The following SPHKAP variants were observed in gnomAD, a reference collection of about 807,000 sequenced individuals.
The protein encoded by SPHKAP is A-kinase anchor protein SPHKAP.
SPHKAP carries 67 observed loss-of-function variants against 137.5 expected under a neutral mutation model. The observed-to-expected ratio is 0.49, with a 90% CI of 0.40 to 0.60. SPHKAP has a LOEUF of 0.60. Ranked by LOEUF, SPHKAP falls within the 20% of genes least tolerant of loss-of-function variation. The probability of loss-of-function intolerance (pLI) is 0.00; values close to 1 mark genes in which losing one functional copy is unlikely to be tolerated. For missense variants in SPHKAP, 2,097 were observed against 2,069.3 expected (o/e 1.01, Z -0.26); for synonymous variants, 813 against 785.3 (o/e 1.04, Z -0.59).
chr2:228,058,796 G>C (rs985400820), intron 3 of SPHKAP, among the ~76,000 whole-genome samples: 1 of 152,152 alleles, frequency 6.6e-6, no homozygotes, highest in Non-Finnish European at 1.5e-5. Flanking sequence ...TCAATGTTTT[G>C]TTCCATTTTG....
At chr2:228,144,011 T>C (rs1699688694) in intron 1 of SPHKAP, among the ~76,000 whole-genome samples, 1 of 152,294 alleles carries the variant, frequency 6.6e-6, no homozygotes, top group African/African-American at 2.4e-5. Context: ...CCAGGCACAG[T>C]TGCTGTCTTA....
chr2:228,057,523 C>T (rs536707175), intron 3 of SPHKAP, among the ~76,000 whole-genome samples: 23 of 151,834 alleles, frequency 1.5e-4, no homozygotes, highest in African/African-American at 3.1e-4. Flanking sequence ...GGACACTGAA[C>T]GCAAAAAAGA....
chr2:228,122,307 A>G (rs1299925604), intron 2 of SPHKAP, among the ~76,000 whole-genome samples: 1 of 152,042 alleles, frequency 6.6e-6, no homozygotes, highest in Non-Finnish European at 1.5e-5. Flanking sequence ...TTAAAAAGAA[A>G]AAAGTAACAG....
intron 1 of SPHKAP, among the ~76,000 whole-genome samples, chr2:228,148,131 G>T (rs1040536461): frequency 1.3e-5 from 2 of 152,128 alleles, no homozygotes; most frequent in Non-Finnish European, 2.9e-5. Flanking sequence ...AGATACTGGA[G>T]CCCAGAGAAG....
intron 3 of SPHKAP, among the ~76,000 whole-genome samples, chr2:228,034,221 A>G (rs1695479324): frequency 6.6e-6 from 1 of 152,238 alleles, no homozygotes. Context: ...CCACAGAAAT[A>G]CAAACTACCA....
chr2:228,179,395 A>T (rs987899829), intron 1 of SPHKAP, among the ~76,000 whole-genome samples: 4 of 152,232 alleles, frequency 2.6e-5, no homozygotes, highest in Non-Finnish European at 4.4e-5. Flanking sequence ...CTACACCATT[A>T]AAAATTTTAA....
At chr2:228,113,643 C>CAA (rs1698597686) in intron 2 of SPHKAP, among the ~76,000 whole-genome samples, 1 of 142,844 alleles carries the variant, frequency 7.0e-6, no homozygotes, top group African/African-American at 2.6e-5. Context: ...CTCTCTCTCT[C>CAA]TCTCTCTGAG....
chr2:227,994,639 T>C (rs1448668050), intron 8 of SPHKAP, among the ~76,000 whole-genome samples: 3 of 152,212 alleles, frequency 2.0e-5, no homozygotes, highest in African/African-American at 7.2e-5. Context: ...TATTCATGTA[T>C]TGAAACCTGA....
At chr2:228,109,011 T>TC (rs1253558989) in intron 2 of SPHKAP, 72 bp from the exon 3 acceptor site, 3 of 1,015,966 alleles carry the variant, frequency 3.0e-6, no homozygotes, top group Non-Finnish European at 4.1e-6. Context: ...CTCTCTCTTT[T>TC]TTTTTTTTCT....
Position 228,018,784 on chromosome 2 carries a change from G to C in SPHKAP, c.2070C>G (p.Ile690Met), listed in dbSNP as rs267599238. 12 of 1,614,188 alleles carry C rather than the reference G, an allele frequency of 7.4e-6. No homozygotes were observed. The highest frequency in any genetic ancestry group is 1.0e-5 in the Non-Finnish European group (12 of 1,180,032). ...ATGAATGCCTGTTGTCATTGGGGTC[G>C]ATTATCATATTTTTGTGGTGAACTT... Reference protein sequence around the residue: ...IDEVHHKNMIIDPNDNRHSSE... With the variant: ...IDEVHHKNMIMDPNDNRHSSE... Residue 690 changes from isoleucine to methionine, a missense_variant, in exon 7 of 12, where the codon ATC becomes ATG. Transcript: ENST00000392056.
intron 1 of SPHKAP, among the ~76,000 whole-genome samples, chr2:228,162,890 G>T (rs1700315938): frequency 6.6e-6 from 1 of 152,060 alleles, no homozygotes; most frequent in Non-Finnish European, 1.5e-5. Flanking sequence ...GTAGAGATGG[G>T]GTTTCACCAT....
intron 1 of SPHKAP, among the ~76,000 whole-genome samples, chr2:228,146,037 T>A (rs140531538): frequency 0.016 from 2,436 of 152,284 alleles, 27 homozygotes; most frequent in Middle Eastern, 0.068. Flanking sequence ...TCCCCTCAGA[T>A]TTTTTTGCTT....
chr2:228,032,276 G>T (rs1006645071), intron 3 of SPHKAP, among the ~76,000 whole-genome samples: 1 of 152,142 alleles, frequency 6.6e-6, no homozygotes, highest in Non-Finnish European at 1.5e-5. Context: ...GGAAGAAAGG[G>T]TATCATTGAT....
intron 7 of SPHKAP, among the ~76,000 whole-genome samples, chr2:228,004,831 T>G (rs535601253): frequency 9.2e-5 from 14 of 152,332 alleles, no homozygotes; most frequent in Admixed American, 5.2e-4. Flanking sequence ...AGTCATTCAG[T>G]AGCACGTTGT....
At chr2:228,047,746 C>T (rs1696117905) in intron 3 of SPHKAP, among the ~76,000 whole-genome samples, 1 of 152,174 alleles carries the variant, frequency 6.6e-6, no homozygotes, top group African/African-American at 2.4e-5. Flanking sequence ...GTGGGCTAAA[C>T]TAGTCTAACT....
intron 3 of SPHKAP, among the ~76,000 whole-genome samples, chr2:228,031,478 G>A (rs1335915532): frequency 6.6e-6 from 1 of 152,202 alleles, no homozygotes; most frequent in African/African-American, 2.4e-5. Flanking sequence ...AGTAACCTCT[G>A]CAGACTTAAA....
chr2:228,017,984 G>A lies in SPHKAP; in HGVS notation c.2870C>T (p.Pro957Leu). 1 of 1,614,074 alleles carries A rather than the reference G, an allele frequency of 6.2e-7. No individual in the cohort carries two copies. The highest frequency in any genetic ancestry group is 8.5e-7 in the Non-Finnish European group (1 of 1,180,020). The change falls in exon 7 of 12, where the codon CCC (proline) becomes CTC (leucine). Residue 957 changes from proline to leucine, a missense_variant. Coordinates refer to ENST00000392056, the MANE Select transcript of SPHKAP (RefSeq NM_001142644.2). The stretch of plus-strand genomic sequence containing the variant: ...CCCTCTTTTCCATGCACAAAACCAG[G>A]GTTGTTTTCCACTGGAGTTGTCAAG... ...ICLDNSSGKQ[P>L]WFCAWKRGSE...
At chr2:228,066,574 C>G (rs989729114) in intron 3 of SPHKAP, among the ~76,000 whole-genome samples, 1 of 152,194 alleles carries the variant, frequency 6.6e-6, no homozygotes, top group African/African-American at 2.4e-5. Context: ...CCTTCACCTT[C>G]CAGAGAGAAC....
intron 7 of SPHKAP, among the ~76,000 whole-genome samples, chr2:228,015,426 G>A (rs1694543813): frequency 6.6e-6 from 1 of 151,808 alleles, no homozygotes; most frequent in South Asian, 2.1e-4. Context: ...TAGTCCTTTG[G>A]GTATATACCC....
Sources: allele counts gnomAD v4.1 joint callset (sites outside exome capture counted in the v4.1 genomes callset), GRCh38; gene constraint gnomAD v4.1.1; transcripts MANE v1.5; gene names NCBI Gene and HGNC (gene_info 2026-07-23, HGNC 2026-07-21).